RIMS2: variants seen among roughly 807,000 people sequenced by gnomAD.
RIMS2 encodes the protein regulating synaptic membrane exocytosis protein 2.
In RIMS2, 59 loss-of-function variants were observed where a neutral mutation model predicts 174.4. The observed-to-expected ratio is 0.34, with a 90% CI of 0.27 to 0.42. The LOEUF is 0.42. Ranked by LOEUF, RIMS2 falls within the 10% of genes least tolerant of loss-of-function variation. The pLI is 1.00. For synonymous variants in RIMS2, 606 were observed against 572.5 expected (o/e 1.06, Z -0.84); for missense variants, 1,620 against 1,666.3 (o/e 0.97, Z 0.48).
intron 1 of RIMS2, among the ~76,000 whole-genome samples, chr8:103,658,856 C>CT: frequency 6.6e-6 from 1 of 152,152 alleles, no homozygotes; most frequent in Non-Finnish European, 1.5e-5. Flanking sequence ...GATGACAAGA[C>CT]TGAGTGTATC....
rs116751651 is a variant in RIMS2 at position 103,768,495 on chromosome 8, G to A, written c.698+1958G>A. On this transcript the variant is annotated intron_variant, in intron 3 of 23. Coordinates refer to ENST00000504942, the Ensembl canonical transcript of RIMS2. ...AAGAGGGGTGTCTTGATTCATGGCC[G>A]TGTCCGCCTGCTAATGAGTAAGGGG... 4.1e-5 allele frequency: 39 copies of A among 943,480 alleles called. No individual in the cohort carries two copies. In the African/African-American group the frequency reaches 4.2e-4, roughly 10 times the overall value. 58.4% of individuals were successfully genotyped at this position (943,480 alleles called of 1,614,324 possible).
chr8:103,848,933 T>G (rs1186841355), intron 3 of RIMS2, among the ~76,000 whole-genome samples: 1 of 152,108 alleles, frequency 6.6e-6, no homozygotes, highest in Non-Finnish European at 1.5e-5. Context: ...AGAGGCCTTT[T>G]GACTCTCATA....
At chr8:104,160,163 A>G (rs1303800847) in intron 19 of RIMS2, among the ~76,000 whole-genome samples, 4 of 152,116 alleles carry the variant, frequency 2.6e-5, no homozygotes, top group African/African-American at 9.7e-5. Flanking sequence ...TCATCTGTAT[A>G]TTAATAATAA....
At chr8:103,969,413 T>G (rs1357571039) in intron 15 of RIMS2, among the ~76,000 whole-genome samples, 1 of 152,182 alleles carries the variant, frequency 6.6e-6, no homozygotes, top group Non-Finnish European at 1.5e-5. Context: ...TGCTTTTCAG[T>G]TTTTGAAGTT....
intron 1 of RIMS2, among the ~76,000 whole-genome samples, chr8:103,621,845 T>A (rs2095642568): frequency 6.6e-6 from 1 of 150,590 alleles, no homozygotes; most frequent in Non-Finnish European, 1.5e-5. Context: ...CATATATGTA[T>A]GGTAGCAAAA....
At chr8:104,160,691 T>A (rs1272899467) in intron 19 of RIMS2, among the ~76,000 whole-genome samples, 1 of 152,226 alleles carries the variant, frequency 6.6e-6, no homozygotes, top group African/African-American at 2.4e-5. Flanking sequence ...AGTAATATTA[T>A]TCATACATTT....
rs79039124 is a variant in RIMS2 at position 104,216,025 on chromosome 8, T to C, written c.3335-28891T>C. Reference sequence around the variant, plus strand: ...TGATTATATTTCATTTTTGGAAATATACTTTCATGGGTGGCCAAATAGCAA... The same window carrying C: ...TGATTATATTTCATTTTTGGAAATACACTTTCATGGGTGGCCAAATAGCAA... On this transcript the variant is annotated intron_variant, in intron 19 of 23. Transcript: ENST00000504942. Among the ~76,000 whole-genome samples, 1,511 of 152,326 alleles carry C rather than the reference T, an allele frequency of 9.9e-3. 21 individuals are homozygous for C. Among genetic ancestry groups the C allele is most frequent in the African/African-American group, 0.033 (1,360 of 41,578 alleles).
intron 11 of RIMS2, chr8:103,927,901 G>T (rs778557042): frequency 6.2e-7 from 1 of 1,603,084 alleles, no homozygotes; most frequent in Non-Finnish European, 8.5e-7. Flanking sequence ...TAAAGGCCTT[G>T]TCTGCCTGAT....
intron 1 of RIMS2, among the ~76,000 whole-genome samples, chr8:103,677,256 A>G (rs1248853033): frequency 1.7e-5 from 2 of 115,540 alleles, no homozygotes; most frequent in African/African-American, 6.1e-5. Context: ...TAAGTGTGTA[A>G]AAAAAAAAGA....
intron 2 of RIMS2, among the ~76,000 whole-genome samples, chr8:103,727,564 T>C (rs536986033): frequency 6.6e-6 from 1 of 152,162 alleles, no homozygotes; most frequent in Admixed American, 6.6e-5. Flanking sequence ...TGTCCTGGAG[T>C]GTGTCCTATC....
intron 19 of RIMS2, among the ~76,000 whole-genome samples, chr8:104,215,378 A>G (rs925548960): frequency 2.7e-4 from 41 of 152,238 alleles, no homozygotes; most frequent in Non-Finnish European, 6.0e-4. Context: ...TTCCATTCAT[A>G]CCTAATATTA....
intron 1 of RIMS2, among the ~76,000 whole-genome samples, chr8:103,682,919 G>A (rs1253145656): frequency 2.0e-5 from 3 of 152,118 alleles, no homozygotes; most frequent in Non-Finnish European, 4.4e-5. Flanking sequence ...CAGTTCTTAT[G>A]TAAGAGAGTT....
intron 19 of RIMS2, among the ~76,000 whole-genome samples, chr8:104,117,613 A>T (rs1378693132): frequency 6.6e-6 from 1 of 152,174 alleles, no homozygotes; most frequent in Non-Finnish European, 1.5e-5. Context: ...AAGTGCTGGG[A>T]TTACAGGCAT....
At chr8:104,111,591 A>G (rs756364285) in intron 19 of RIMS2, among the ~76,000 whole-genome samples, 31 of 152,126 alleles carry the variant, frequency 2.0e-4, no homozygotes, top group Non-Finnish European at 3.5e-4. Context: ...TATTTTTAAT[A>G]GAGATGGGGT....
At chr8:103,876,862 TTTTATATATATA>T (rs2099140308) in intron 3 of RIMS2, among the ~76,000 whole-genome samples, 1 of 44,346 alleles carries the variant, frequency 2.3e-5, no homozygotes, top group African/African-American at 7.6e-5. Context: ...ACACACACTA[TTTTATATATATA>T]TATATATATA....
chr8:103,882,854 C>T (rs187131216), intron 3 of RIMS2, among the ~76,000 whole-genome samples: 12 of 151,672 alleles, frequency 7.9e-5, no homozygotes, highest in Admixed American at 5.9e-4. Context: ...TATAAAGACT[C>T]ATTGTATTCA....
intron 19 of RIMS2, among the ~76,000 whole-genome samples, chr8:104,094,307 G>C (rs1166653953): frequency 6.6e-6 from 1 of 152,040 alleles, no homozygotes; most frequent in Admixed American, 6.6e-5. Flanking sequence ...TATTTATACA[G>C]TGCTTCTCTA....
chr8:103,960,591 G>A (rs957195258), intron 14 of RIMS2, among the ~76,000 whole-genome samples: 1 of 152,036 alleles, frequency 6.6e-6, no homozygotes, highest in African/African-American at 2.4e-5. Context: ...GAAAAATAAG[G>A]AACTGACTAT....
chr8:103,575,272 A>G lies in RIMS2; in HGVS notation c.176+74210A>G, dbSNP rs185182859. Among the ~76,000 whole-genome samples, 4 of 152,334 alleles carry G rather than the reference A, an allele frequency of 2.6e-5. 1 individual carries two copies. Among genetic ancestry groups the G allele is most frequent in the Admixed American group, 2.6e-4 (4 of 15,298 alleles). The stretch of plus-strand genomic sequence containing the variant: ...ACTGTGTGCCCACTAGAGTGGCTTA[A>G]AAAAGAGACAATAGTAGGTGTTTTA... On this transcript the variant is annotated intron_variant, in intron 1 of 23. Transcript: ENST00000504942.
Sources: gnomAD v4.1 joint callset for allele counts (sites outside exome capture counted in the v4.1 genomes callset) on GRCh38, gnomAD v4.1.1 for gene constraint, MANE v1.5 for transcripts, NCBI Gene and HGNC (gene_info 2026-07-23, HGNC 2026-07-21) for gene names.